TOLLIP: variants seen among roughly 807,000 people sequenced by gnomAD.
TOLLIP encodes the protein toll interacting protein, also known as toll-interacting protein.
A neutral mutation model predicts 33.5 loss-of-function variants in TOLLIP; 16 were observed. The observed-to-expected ratio is 0.48, with a 90% CI of 0.32 to 0.72. The LOEUF (loss-of-function observed/expected upper bound fraction) is 0.72. Among genes scored for constraint, TOLLIP ranks in the 30% least tolerant of loss-of-function variants. TOLLIP has a pLI of 0.03. For synonymous variants in TOLLIP, 176 were observed against 163.7 expected (o/e 1.07, Z -0.57); for missense variants, 325 against 396.6 (o/e 0.82, Z 1.53).
chr11:1,288,414 G>C (rs1863818216), intron 4 of TOLLIP, among the ~76,000 whole-genome samples: 1 of 152,210 alleles, frequency 6.6e-6, no homozygotes, highest in Admixed American at 6.5e-5. Context: ...TCCCCAGACA[G>C]AGAACATGGG....
intron 2 of TOLLIP, among the ~76,000 whole-genome samples, chr11:1,293,630 G>A (rs572254549): frequency 2.0e-5 from 3 of 152,386 alleles, no homozygotes; most frequent in East Asian, 1.9e-4. Flanking sequence ...GTGAGCTCAC[G>A]TGGAGGAAAC....
intron 5 of TOLLIP, chr11:1,283,411 G>T: frequency 2.6e-6 from 1 of 382,970 alleles, no homozygotes; most frequent in Admixed American, 3.4e-5. Flanking sequence ...GTCAGTGTCA[G>T]CTTCATCTAG....
chr11:1,288,127 C>T (rs1863806739), intron 4 of TOLLIP, among the ~76,000 whole-genome samples: 1 of 152,142 alleles, frequency 6.6e-6, no homozygotes, highest in South Asian at 2.1e-4. Context: ...CACAGCCAGG[C>T]CTCGACTTCC....
chr11:1,300,375 C>T (rs1864234241), intron 1 of TOLLIP, among the ~76,000 whole-genome samples: 1 of 152,222 alleles, frequency 6.6e-6, no homozygotes, highest in African/African-American at 2.4e-5. Flanking sequence ...CGTACCTTTC[C>T]ACACGAAAGA....
rs568516628 is a variant in TOLLIP at position 1,275,691 on chromosome 11, A to G, written c.*1348T>C. On this transcript the variant is annotated 3_prime_UTR_variant, in exon 6 of 6. Coordinates refer to ENST00000317204, the MANE Select transcript of TOLLIP (RefSeq NM_019009.4). ...AGTATATTTGACAAAAACCACCCCC[A>G]ATCGATGGCAGAAAGCAGTATTTTC... 3.9e-5 allele frequency: 6 copies of G among 152,276 alleles called. No homozygotes were observed. In the East Asian group the frequency reaches 7.7e-4, roughly 20 times the overall value. The allele number at this position is 152,276 out of a possible 1,614,324, so 9.4% of individuals were successfully genotyped here.
At position 1,304,574 on chromosome 11, in the gene TOLLIP, G is replaced by A. The variant is rs375335756; in HGVS notation, c.33+4892C>T. 4.6e-5 allele frequency among the ~76,000 whole-genome samples: 7 copies of A among 152,230 alleles called. No homozygotes were observed. In the East Asian group the frequency reaches 7.7e-4, roughly 17 times the overall value. ...GCGGCCGAGGTCTCCGCGTGGATCC[G>A]GAGGTGGCACAGACAATGATTAACT... On this transcript the variant is annotated intron_variant, in intron 1 of 5. Transcript: ENST00000317204.
At chr11:1,309,418 G>A (rs948985573) in intron 1 of TOLLIP, 48 bp downstream of exon 1, 10 of 1,168,958 alleles carry the variant, frequency 8.6e-6, no homozygotes, top group South Asian at 2.7e-5. Flanking sequence ...GGCCCCGCCC[G>A]CAACCGCAGG....
chr11:1,297,894 T>C (rs1194289188), intron 1 of TOLLIP, among the ~76,000 whole-genome samples: 2 of 152,174 alleles, frequency 1.3e-5, no homozygotes, highest in Non-Finnish European at 2.9e-5. Context: ...TAAGCACCTG[T>C]TCCTGTTGGC....
At chr11:1,280,080 C>T (rs1863443816) in intron 5 of TOLLIP, among the ~76,000 whole-genome samples, 1 of 152,260 alleles carries the variant, frequency 6.6e-6, no homozygotes, top group Non-Finnish European at 1.5e-5. Flanking sequence ...GGTTAATAAA[C>T]ACAACAGCAG....
chr11:1,295,268 C>G (rs901861086), intron 2 of TOLLIP: 1 of 179,060 alleles, frequency 5.6e-6, no homozygotes, highest in African/African-American at 2.3e-5. Context: ...GGCACCGGCA[C>G]TGAGGCCAAC....
At chr11:1,304,290 A>C (rs1864365553) in intron 1 of TOLLIP, among the ~76,000 whole-genome samples, 1 of 152,070 alleles carries the variant, frequency 6.6e-6, no homozygotes, top group South Asian at 2.1e-4. Flanking sequence ...CACACACACA[A>C]AAATAGCTGT....
At chr11:1,282,782 AAAAT>A (rs967414999) in intron 5 of TOLLIP, among the ~76,000 whole-genome samples, 90 of 151,340 alleles carry the variant, frequency 5.9e-4, no homozygotes, top group Non-Finnish European at 1.1e-3. Flanking sequence ...AAGTATAATT[AAAAT>A]AAATAAATAA....
intron 1 of TOLLIP, among the ~76,000 whole-genome samples, chr11:1,301,708 ACT>A (rs1864283205): frequency 6.6e-6 from 1 of 152,030 alleles, no homozygotes; most frequent in African/African-American, 2.4e-5. Flanking sequence ...AACTAGTGAA[ACT>A]CTGTACCCTG....
chr11:1,296,014 G>A (rs1411045848), intron 1 of TOLLIP, among the ~76,000 whole-genome samples: 2 of 152,236 alleles, frequency 1.3e-5, no homozygotes, highest in Non-Finnish European at 2.9e-5. Flanking sequence ...CCTCACTCAG[G>A]AGATCCCCAA....
At chr11:1,304,934 T>G (rs1432627739) in intron 1 of TOLLIP, among the ~76,000 whole-genome samples, 1 of 152,256 alleles carries the variant, frequency 6.6e-6, no homozygotes, top group East Asian at 1.9e-4. Context: ...AGACTTAGTC[T>G]TCTTAGATTT....
At chr11:1,280,560 G>A (rs1450897209) in intron 5 of TOLLIP, among the ~76,000 whole-genome samples, 1 of 152,086 alleles carries the variant, frequency 6.6e-6, no homozygotes, top group Non-Finnish European at 1.5e-5. Context: ...TGAAATGGAG[G>A]TGCACGAGGG....
intron 2 of TOLLIP, among the ~76,000 whole-genome samples, chr11:1,293,112 C>T (rs1324912634): frequency 3.9e-5 from 6 of 152,106 alleles, no homozygotes; most frequent in African/African-American, 1.2e-4. Flanking sequence ...GAGGGTCAGG[C>T]CTGAAGGGCA....
intron 5 of TOLLIP, among the ~76,000 whole-genome samples, chr11:1,280,262 G>C (rs979668051): frequency 6.6e-6 from 1 of 152,220 alleles, no homozygotes; most frequent in African/African-American, 2.4e-5. Context: ...GCCCTTGGCT[G>C]GCCCTCTCTG....
chr11:1,295,937 T>A, intron 1 of TOLLIP, 143 bp from the exon 2 acceptor site: 1 of 1,127,156 alleles, frequency 8.9e-7, no homozygotes, highest in Non-Finnish European at 1.2e-6. Context: ...CTCAGTTTCC[T>A]CATCTCTAAA....
Sources: gnomAD v4.1 joint callset for allele counts (sites outside exome capture counted in the v4.1 genomes callset) on GRCh38, gnomAD v4.1.1 for gene constraint, MANE v1.5 for transcripts, NCBI Gene and HGNC (gene_info 2026-07-23, HGNC 2026-07-21) for gene names.